LRFN2: variants seen among roughly 807,000 people sequenced by gnomAD.
The protein encoded by LRFN2 is leucine-rich repeat and fibronectin type-III domain-containing protein 2.
A neutral mutation model predicts 37.3 loss-of-function variants in LRFN2; 18 were observed. The observed-to-expected ratio is 0.48, with a 90% confidence interval of 0.33 to 0.72. LRFN2 has a LOEUF of 0.72. LRFN2 is among the 30% of genes least tolerant of loss of function. The pLI is 0.02. For missense variants in LRFN2, 1,006 were observed against 1,060.7 expected, an observed-to-expected ratio of 0.95 and a Z score of 0.72; for synonymous variants, 556 against 466.6, an observed-to-expected ratio of 1.19 and a Z score of -2.47.
At position 40,442,538 on chromosome 6, in the gene LRFN2, G is replaced by A. The variant is rs567050710; in HGVS notation, c.-18-9407C>T. ...CCTCAGACTGGGACCCTCTGAGGGTGGAGCTGGGGCTCCCTGAGGACGGGG... is the reference window on the plus strand; with the variant it reads ...CCTCAGACTGGGACCCTCTGAGGGTAGAGCTGGGGCTCCCTGAGGACGGGG... On this transcript the variant is annotated intron_variant, in intron 1 of 2. Transcript: ENST00000338305. 9.5e-4 allele frequency among the ~76,000 whole-genome samples: 144 copies of A among 152,024 alleles called. 1 individual carries two copies. The highest frequency in any genetic ancestry group is 3.2e-3 in the African/African-American group (134 of 41,486).
At chr6:40,570,767 G>T (rs1356048294) in intron 1 of LRFN2, among the ~76,000 whole-genome samples, 4 of 152,160 alleles carry the variant, frequency 2.6e-5, no homozygotes, top group Non-Finnish European at 4.4e-5. Flanking sequence ...GTAGAGAAAT[G>T]GTGTTCTAGG....
chr6:40,449,624 C>G (rs1234376606), intron 1 of LRFN2, among the ~76,000 whole-genome samples: 5 of 152,180 alleles, frequency 3.3e-5, no homozygotes, highest in African/African-American at 1.2e-4. Context: ...ATGGAAGGAA[C>G]CTGGGTATCT....
intron 1 of LRFN2, among the ~76,000 whole-genome samples, chr6:40,481,687 G>A (rs1006883892): frequency 2.0e-5 from 3 of 152,140 alleles, no homozygotes; most frequent in African/African-American, 7.2e-5. Flanking sequence ...GATAGGGCTC[G>A]CCTGTCCCTT....
At chr6:40,453,835 G>A (rs907465905) in intron 1 of LRFN2, among the ~76,000 whole-genome samples, 2 of 152,068 alleles carry the variant, frequency 1.3e-5, no homozygotes, top group Non-Finnish European at 2.9e-5. Context: ...AGGCTCTTTC[G>A]GATGTGCCAA....
chr6:40,481,445 A>C (rs1764830308), intron 1 of LRFN2, among the ~76,000 whole-genome samples: 2 of 151,692 alleles, frequency 1.3e-5, no homozygotes, highest in Non-Finnish European at 2.9e-5. Context: ...GTCTCAAAAA[A>C]AAAAAAAAAA....
Position 40,510,461 on chromosome 6 carries a change from C to T in LRFN2, c.-19+76480G>A, listed in dbSNP as rs372207362. Among the ~76,000 whole-genome samples, 323 of 152,322 alleles carry T rather than the reference C, an allele frequency of 2.1e-3. 2 individuals carry two copies. Among genetic ancestry groups the T allele is most frequent in the African/African-American group, 7.6e-3 (317 of 41,562 alleles). On this transcript the variant is annotated intron_variant, in intron 1 of 2. Coordinates refer to ENST00000338305, the MANE Select transcript of LRFN2 (RefSeq NM_020737.3). ...CAGCCTTCAGGAAGCTGAGTCAACT[C>T]CCTCACAAAACCCTTTGCTCCCTGT...
chr6:40,584,534 C>T (rs1454817315), intron 1 of LRFN2, among the ~76,000 whole-genome samples: 5 of 152,182 alleles, frequency 3.3e-5, no homozygotes. Flanking sequence ...TTCCACTTGG[C>T]CATCCCAGGT....
chr6:40,554,250 G>A (rs149965368), intron 1 of LRFN2, among the ~76,000 whole-genome samples: 22 of 152,226 alleles, frequency 1.4e-4, no homozygotes, highest in African/African-American at 5.3e-4. Flanking sequence ...ATGGACCCAG[G>A]GTTTCATTTA....
rs1223137731 is a variant in LRFN2, at chr6:40,577,089, T to TC, written c.-19+9851_-19+9852insG. Among the ~76,000 whole-genome samples the TC allele has an allele frequency of 2.2e-4, 11 of 49,204 alleles. No homozygotes were observed. The East Asian group carries it at 3.6e-3, about 16-fold the overall frequency. 32.3% of individuals were successfully genotyped at this position (49,204 alleles called of 152,430 possible). On this transcript the variant is annotated intron_variant, in intron 1 of 2. Coordinates refer to ENST00000338305, the MANE Select transcript of LRFN2 (RefSeq NM_020737.3). ...CTGGTCCAAGGCCCATTTTCTTTTCTTTTCTTTTCTTTTCCTTTCTTTTCT... is the reference window on the plus strand; with the variant it reads ...CTGGTCCAAGGCCCATTTTCTTTTCTCTTTCTTTTCTTTTCCTTTCTTTTCT...
At chr6:40,525,704 C>T (rs563163888) in intron 1 of LRFN2, among the ~76,000 whole-genome samples, 3 of 152,268 alleles carry the variant, frequency 2.0e-5, no homozygotes, top group Admixed American at 1.3e-4. Context: ...TTTCTTCTTA[C>T]TTTCCCCTTA....
At chr6:40,460,097 G>A (rs960289894) in intron 1 of LRFN2, among the ~76,000 whole-genome samples, 6 of 152,218 alleles carry the variant, frequency 3.9e-5, no homozygotes, top group Non-Finnish European at 5.9e-5. Context: ...AACCAGGAGC[G>A]GTTGGAAGTT....
At chr6:40,537,681 C>A (rs1203250967) in intron 1 of LRFN2, among the ~76,000 whole-genome samples, 2 of 152,156 alleles carry the variant, frequency 1.3e-5, no homozygotes, top group African/African-American at 4.8e-5. Context: ...CCCCACCAGA[C>A]CACAAGCTCC....
intron 2 of LRFN2, among the ~76,000 whole-genome samples, chr6:40,409,655 C>T (rs751331455): frequency 9.9e-5 from 15 of 152,176 alleles, no homozygotes; most frequent in Non-Finnish European, 1.6e-4. Flanking sequence ...CCCAAAGGAC[C>T]GTCTGGAAAA....
chr6:40,491,644 C>A (rs2113870192), intron 1 of LRFN2, among the ~76,000 whole-genome samples: 1 of 149,984 alleles, frequency 6.7e-6, no homozygotes, highest in African/African-American at 2.4e-5. Flanking sequence ...GTTTCCCTCT[C>A]TCCATTTTGC....
chr6:40,573,917 C>T (rs112765656), intron 1 of LRFN2, among the ~76,000 whole-genome samples: 1,525 of 152,282 alleles, frequency 0.01, 28 homozygotes, highest in African/African-American at 0.035. Context: ...GCTGAAATCA[C>T]GCCATTGCAC....
chr6:40,441,581 T>C lies in LRFN2; in HGVS notation c.-18-8450A>G, dbSNP rs76648886. On this transcript the variant is annotated intron_variant, in intron 1 of 2. Transcript: ENST00000338305. ...CAAATGCTATTTTCCTGCTGTGTTGTCAGCTTCGAATGCATTAATCTTCAT... is the reference window on the plus strand; with the variant it reads ...CAAATGCTATTTTCCTGCTGTGTTGCCAGCTTCGAATGCATTAATCTTCAT... Among the ~76,000 whole-genome samples, 586 of 152,302 alleles carry C rather than the reference T, an allele frequency of 3.8e-3. 20 individuals are homozygous for C. The East Asian group carries it at 0.059, about 15-fold the overall frequency.
At chr6:40,413,308 C>T (rs1384008799) in intron 2 of LRFN2, among the ~76,000 whole-genome samples, 1 of 152,228 alleles carries the variant, frequency 6.6e-6, no homozygotes, top group East Asian at 1.9e-4. Context: ...CTGTATGTCC[C>T]CACACCAGGG....
intron 1 of LRFN2, among the ~76,000 whole-genome samples, chr6:40,523,405 C>A (rs1483380505): frequency 6.6e-6 from 1 of 152,080 alleles, no homozygotes; most frequent in Non-Finnish European, 1.5e-5. Context: ...GGGCCTCAGC[C>A]CCATTGATCA....
chr6:40,465,210 CAT>C (rs2113852693), intron 1 of LRFN2, among the ~76,000 whole-genome samples: 1 of 152,262 alleles, frequency 6.6e-6, no homozygotes, highest in East Asian at 1.9e-4. Flanking sequence ...AGCAAGGAAA[CAT>C]ATTCTACCCT....
Sources: gnomAD v4.1 joint callset for allele counts (sites outside exome capture counted in the v4.1 genomes callset) on GRCh38, gnomAD v4.1.1 for gene constraint, MANE v1.5 for transcripts, NCBI Gene and HGNC (gene_info 2026-07-23, HGNC 2026-07-21) for gene names.